FAM227B: variants seen among roughly 807,000 people sequenced by gnomAD.
FAM227B encodes the protein protein FAM227B.
In FAM227B, 88 loss-of-function variants were observed where a neutral mutation model predicts 73.8. That is an observed-to-expected ratio of 1.19 (90% CI 1.00 to 1.42). The LOEUF (loss-of-function observed/expected upper bound fraction) is 1.42. Among genes scored for constraint, FAM227B ranks in the 40% most tolerant of loss-of-function variants. FAM227B has a pLI of 0.00. For synonymous variants in FAM227B, 210 were observed against 190.5 expected, an observed-to-expected ratio of 1.10 and a Z score of -0.84; for missense variants, 632 against 590.9, an observed-to-expected ratio of 1.07 and a Z score of -0.72.
At chr15:49,328,806 A>G (rs1305638748) in intron 15 of FAM227B, 131 bp from the exon 16 acceptor site, 1 of 1,422,316 alleles carries the variant, frequency 7.0e-7, no homozygotes, top group East Asian at 2.5e-5. Flanking sequence ...AGGAGGATAC[A>G]GGAAGAAAAT....
rs2038095414 is a variant in FAM227B, at chr15:49,329,120, C to CTTGT, written c.1420-449_1420-446dup. On this transcript the variant is annotated intron_variant, in intron 15 of 15. Transcript: ENST00000299338. Reference sequence around the variant, plus strand: ...TCCCTTTTTTGCTTGTCTAGCAAAGCTTGTTTGTATATATGCACCCCATTG... The same window carrying CTTGT: ...TCCCTTTTTTGCTTGTCTAGCAAAGCTTGTTTGTTTGTATATATGCACCCCATTG... 3 of 993,156 alleles carry CTTGT rather than the reference C, an allele frequency of 3.0e-6. No homozygotes were observed. In the South Asian group the frequency reaches 1.4e-4, roughly 45 times the overall value. The allele number at this position is 993,156 out of a possible 1,614,324, so 61.5% of individuals were successfully genotyped here. A position where few individuals can be genotyped will look rare whatever the true frequency, so the allele number is the denominator to read the frequency against.
chr15:49,422,157 T>G (rs1191766781), intron 11 of FAM227B, among the ~76,000 whole-genome samples: 1 of 102,406 alleles, frequency 9.8e-6, no homozygotes, highest in African/African-American at 3.2e-5. Context: ...TGTGTGTGTG[T>G]GTGTGTGCGC....
intron 14 of FAM227B, among the ~76,000 whole-genome samples, chr15:49,332,095 A>C (rs144320581): frequency 0.15 from 20,929 of 139,878 alleles, 2,038 homozygotes; most frequent in Non-Finnish European, 0.2. Context: ...TGCCACACAC[A>C]CACACACACA....
At chr15:49,586,445 A>T (rs2076168098) in intron 5 of FAM227B, among the ~76,000 whole-genome samples, 1 of 152,228 alleles carries the variant, frequency 6.6e-6, no homozygotes, top group Admixed American at 6.5e-5. Context: ...CCTGGAAGAC[A>T]ACCTAGGTAA....
chr15:49,523,751 A>C (rs1196647015), intron 10 of FAM227B, among the ~76,000 whole-genome samples: 1 of 152,208 alleles, frequency 6.6e-6, no homozygotes, highest in Non-Finnish European at 1.5e-5. Flanking sequence ...TTTTTATGCT[A>C]ATAGTGATAT....
chr15:49,608,554 C>G (rs936572262), intron 3 of FAM227B, among the ~76,000 whole-genome samples: 1 of 151,856 alleles, frequency 6.6e-6, no homozygotes, highest in Non-Finnish European at 1.5e-5. Flanking sequence ...TTATTTAGCT[C>G]TTTTTCCTTT....
chr15:49,606,513 G>T (rs1439060331), intron 3 of FAM227B, among the ~76,000 whole-genome samples: 4 of 152,094 alleles, frequency 2.6e-5, no homozygotes, highest in Non-Finnish European at 5.9e-5. Context: ...TACTACTTGG[G>T]CTCTAATATC....
At chr15:49,434,092 T>A (rs2050862903) in intron 11 of FAM227B, among the ~76,000 whole-genome samples, 1 of 151,462 alleles carries the variant, frequency 6.6e-6, no homozygotes, top group East Asian at 2.0e-4. Flanking sequence ...TCAATTCGTT[T>A]TAGTGCCAGT....
At chr15:49,494,940 C>T (rs2152070312) in intron 11 of FAM227B, among the ~76,000 whole-genome samples, 1 of 152,228 alleles carries the variant, frequency 6.6e-6, no homozygotes, top group East Asian at 1.9e-4. Context: ...ATTCTAATAC[C>T]TAAGCATGAT....
At chr15:49,339,608 C>T (rs1322365575) in intron 13 of FAM227B, among the ~76,000 whole-genome samples, 20 of 152,150 alleles carry the variant, frequency 1.3e-4, no homozygotes, top group Admixed American at 1.3e-3. Flanking sequence ...GTGTCAGGGA[C>T]CCACTTGAGA....
At chr15:49,534,927 G>A (rs1302459903) in intron 10 of FAM227B, among the ~76,000 whole-genome samples, 3 of 151,602 alleles carry the variant, frequency 2.0e-5, no homozygotes, top group Admixed American at 6.6e-5. Context: ...TAAAACCTGT[G>A]GGATGCAGCA....
intron 11 of FAM227B, among the ~76,000 whole-genome samples, chr15:49,440,108 A>G (rs1341066103): frequency 6.6e-6 from 1 of 151,784 alleles, no homozygotes. Context: ...TTTCAAAATG[A>G]CATCACGAAT....
intron 12 of FAM227B, among the ~76,000 whole-genome samples, chr15:49,369,125 A>ATTT (rs3985851): frequency 0.42 from 63,086 of 151,276 alleles, 13,254 homozygotes; most frequent in African/African-American, 0.44. Flanking sequence ...CGCCTGGCTA[A>ATTT]TTTTTTTATT....
At chr15:49,541,447 T>A (rs2071051486) in intron 10 of FAM227B, among the ~76,000 whole-genome samples, 1 of 152,120 alleles carries the variant, frequency 6.6e-6, no homozygotes, top group South Asian at 2.1e-4. Context: ...TTTTCCATAA[T>A]AATTCCATTG....
At chr15:49,563,872 T>C (rs1237610608) in intron 9 of FAM227B, among the ~76,000 whole-genome samples, 3 of 152,006 alleles carry the variant, frequency 2.0e-5, no homozygotes, top group Non-Finnish European at 4.4e-5. Context: ...TAAGATGTAA[T>C]ACTATAAAAA....
intron 11 of FAM227B, chr15:49,486,563 TTAAAAGGG>T (rs904996094): frequency 1.9e-4 from 29 of 152,128 alleles, no homozygotes; most frequent in African/African-American, 7.0e-4. Flanking sequence ...AATCTTCATT[TTAAAAGGG>T]TAAAACATGA....
At chr15:49,587,722 A>G (rs1422673002) in intron 5 of FAM227B, among the ~76,000 whole-genome samples, 2 of 152,276 alleles carry the variant, frequency 1.3e-5, no homozygotes, top group Admixed American at 1.3e-4. Context: ...GGGCTGATAT[A>G]GGACCTGCAC....
intron 10 of FAM227B, among the ~76,000 whole-genome samples, chr15:49,523,705 T>C (rs1321923930): frequency 6.6e-6 from 1 of 152,114 alleles, no homozygotes; most frequent in Non-Finnish European, 1.5e-5. Flanking sequence ...GTTTGGAACT[T>C]CCTAGAAATT....
intron 11 of FAM227B, among the ~76,000 whole-genome samples, chr15:49,398,328 G>A (rs1348970620): frequency 2.0e-5 from 3 of 146,962 alleles, no homozygotes; most frequent in Non-Finnish European, 3.0e-5. Context: ...CCCAATACAG[G>A]AGCACCAAGA....
Sources: allele counts gnomAD v4.1 joint callset (sites outside exome capture counted in the v4.1 genomes callset), GRCh38; gene constraint gnomAD v4.1.1; transcripts MANE v1.5; gene names NCBI Gene and HGNC (gene_info 2026-07-23, HGNC 2026-07-21).